The following WDR77 variants were observed in gnomAD, a reference collection of about 807,000 sequenced individuals.
The protein encoded by WDR77 is WD repeat domain 77, also known as methylosome protein WDR77.
A neutral mutation model predicts 44.0 loss-of-function variants in WDR77; 31 were observed. That is an observed-to-expected ratio of 0.70 (90% confidence interval 0.53 to 0.95). The LOEUF is 0.95. Ranked by LOEUF, WDR77 falls within the 40% of genes least tolerant of loss-of-function variation. WDR77 has a pLI of 0.00. For synonymous variants in WDR77, 186 were observed against 165.7 expected (o/e 1.12, Z -0.94); for missense variants, 390 against 423.9 (o/e 0.92, Z 0.70).
intron 3 of WDR77, 32 bp from the exon 4 acceptor site, chr1:111,447,176 T>G: frequency 1.2e-6 from 2 of 1,612,924 alleles, no homozygotes; most frequent in African/African-American, 1.3e-5. Flanking sequence ...ACATTTAATC[T>G]TGACCTACAC....
intron 4 of WDR77, among the ~76,000 whole-genome samples, chr1:111,444,696 T>G (rs1345094904): frequency 6.6e-6 from 1 of 152,214 alleles, no homozygotes; most frequent in African/African-American, 2.4e-5. Context: ...AAAAGGGGCT[T>G]TTCCATAAGA....
rs762896547 is a variant in WDR77, at chr1:111,442,635, G to C, written c.800+18C>G. On this transcript the variant is annotated intron_variant, in intron 8 of 9. Transcript: ENST00000235090. ...TCCCATTTATACCCATCAGGCCCCTGATGACAAAGAACAGTACCTGTGTGG... is the reference window on the plus strand; with the variant it reads ...TCCCATTTATACCCATCAGGCCCCTCATGACAAAGAACAGTACCTGTGTGG... 3.3e-6 allele frequency: 5 copies of C among 1,522,488 alleles called. No individual in the cohort carries two copies. In the South Asian group the frequency reaches 5.2e-5, roughly 16 times the overall value. 94.3% of individuals were successfully genotyped at this position (1,522,488 alleles called of 1,614,324 possible).
At chr1:111,449,011 T>C in intron 1 of WDR77, 44 bp downstream of exon 1, 1 of 1,548,738 alleles carries the variant, frequency 6.5e-7, no homozygotes, top group Non-Finnish European at 8.7e-7. Context: ...AGGGGCGCCC[T>C]GGGCCGGGGT....
rs1229055343 is a variant in WDR77, at chr1:111,443,919, G to A, written c.567C>T (p.Asp189=). The change falls in exon 6 of 10, where the codon GAC becomes GAT. Residue 189 remains aspartate, a splice_region_variant and synonymous_variant. Coordinates refer to ENST00000235090, the MANE Select transcript of WDR77 (RefSeq NM_024102.4). ...GGGTATCCCAGAGTAAAATTCTATTGTCCTAGAGGAAGGTGGAACAGAAAA... is the reference window on the plus strand; with the variant it reads ...GGGTATCCCAGAGTAAAATTCTATTATCCTAGAGGAAGGTGGAACAGAAAA... ...KDSVFLSCSE[D]NRILLWDTRC... The A allele has an allele frequency of 1.2e-6, 2 of 1,614,184 alleles. No individual in the cohort carries two copies. Among genetic ancestry groups the A allele is most frequent in the South Asian group, 1.1e-5 (1 of 91,086 alleles).
intron 4 of WDR77, 72 bp downstream of exon 4, chr1:111,447,023 C>G: frequency 6.5e-7 from 1 of 1,532,310 alleles, no homozygotes; most frequent in Non-Finnish European, 9.0e-7. Flanking sequence ...CTGCTCCTAA[C>G]ATCAAAGCAA....
At position 111,449,226 on chromosome 1, in the gene WDR77, T is replaced by G; in HGVS notation, c.-57A>C. 1 of 1,535,432 alleles carries G rather than the reference T, an allele frequency of 6.5e-7. No individual in the cohort carries two copies. Among genetic ancestry groups the G allele is most frequent in the Non-Finnish European group, 8.7e-7 (1 of 1,146,394 alleles). On this transcript the variant is annotated 5_prime_UTR_variant, in exon 1 of 10. Coordinates refer to ENST00000235090, the MANE Select transcript of WDR77 (RefSeq NM_024102.4). ...ACTGGACGCCGGCCGGAGACTCCGC[T>G]CCGGCAGCAAACCCCACGTGGTGCA... is the stretch of plus-strand genomic sequence containing the variant.
In WDR77 at chr1:111,449,239, C is replaced by G. The variant is rs768627924; in HGVS notation, c.-70G>C. On this transcript the variant is annotated 5_prime_UTR_variant, in exon 1 of 10. Transcript: ENST00000235090. ...CGGAGACTCCGCTCCGGCAGCAAAC[C>G]CCACGTGGTGCACCTCTGAGCCTCC... 9.1e-6 allele frequency: 14 copies of G among 1,536,098 alleles called. No individual in the cohort carries two copies. Among genetic ancestry groups the G allele is most frequent in the South Asian group, 1.2e-5 (1 of 84,100 alleles).
Position 111,443,397 on chromosome 1 carries a change from G to A in WDR77, c.620-3C>T, listed in dbSNP as rs1249588396. On this transcript the variant is annotated splice_region_variant and splice_polypyrimidine_tract_variant and intron_variant, in intron 6 of 9. Coordinates refer to ENST00000235090, the MANE Select transcript of WDR77 (RefSeq NM_024102.4). ...AAGGTAGCCAGGCGCACTGCAGCCT[G>A]CAAAGGAGAGACGAGGGTCTGGACC... 1.3e-6 allele frequency: 2 copies of A among 1,552,100 alleles called. No homozygotes were observed. Among genetic ancestry groups the A allele is most frequent in the Admixed American group, 2.0e-5 (1 of 51,044 alleles).
chr1:111,443,216 G>C (rs1652883646), intron 7 of WDR77, 107 bp downstream of exon 7: 2 of 1,051,856 alleles, frequency 1.9e-6, no homozygotes, highest in Non-Finnish European at 2.7e-6. Context: ...TAGTGTCCAT[G>C]AGGGCTAAGA....
chr1:111,443,502 AC>A, intron 6 of WDR77, 108 bp from the exon 7 acceptor site: 1 of 1,322,862 alleles, frequency 7.6e-7, no homozygotes. Flanking sequence ...GATTTCCCAA[AC>A]CCTGCTAAGG....
chr1:111,441,460 C>A, intron 9 of WDR77, 71 bp from the exon 10 acceptor site: 1 of 1,412,644 alleles, frequency 7.1e-7, no homozygotes. Flanking sequence ...AAAGAGAACC[C>A]AACACATCTG....
intron 7 of WDR77, 100 bp downstream of exon 7, chr1:111,443,223 A>G (rs926681877): frequency 7.5e-6 from 9 of 1,207,626 alleles, no homozygotes; most frequent in Middle Eastern, 3.9e-4. Flanking sequence ...CATGAGGGCT[A>G]AGACTGAGCA....
chr1:111,442,585 A>G, intron 8 of WDR77, 68 bp downstream of exon 8: 1 of 1,136,638 alleles, frequency 8.8e-7, no homozygotes, highest in Non-Finnish European at 1.2e-6. Flanking sequence ...AATGCTTTGA[A>G]AACATACACA....
chr1:111,447,980 C>G (rs1469437998), intron 2 of WDR77, among the ~76,000 whole-genome samples: 2 of 152,178 alleles, frequency 1.3e-5, no homozygotes, highest in Non-Finnish European at 2.9e-5. Flanking sequence ...ATTTGCTGAA[C>G]TAGTTGAATA....
chr1:111,448,870 G>A (rs751232416), intron 1 of WDR77, 66 bp from the exon 2 acceptor site: 1 of 1,548,150 alleles, frequency 6.5e-7, no homozygotes, highest in Non-Finnish European at 8.7e-7. Context: ...AGACCGCACA[G>A]AACAGCGTTC....
chr1:111,441,424 G>C, intron 9 of WDR77, 35 bp from the exon 10 acceptor site: 1 of 1,446,312 alleles, frequency 6.9e-7, no homozygotes, highest in Non-Finnish European at 9.2e-7. Flanking sequence ...GCAGAGTAGA[G>C]ACAAGAAAAG....
chr1:111,447,300 G>A (rs1301262945), intron 3 of WDR77, 135 bp downstream of exon 3: 2 of 1,487,942 alleles, frequency 1.3e-6, no homozygotes, highest in Non-Finnish European at 1.8e-6. Flanking sequence ...AATCCCTAAG[G>A]AAACCTTATA....
At chr1:111,448,839 T>C (rs959086182) in intron 1 of WDR77, 35 bp from the exon 2 acceptor site, 1 of 1,553,260 alleles carries the variant, frequency 6.4e-7, no homozygotes, top group African/African-American at 1.4e-5. Context: ...GCGTGAAGGG[T>C]AGAAGGGTTC....
At position 111,449,245 on chromosome 1, in the gene WDR77, T is replaced by A. The variant is rs1169182235; in HGVS notation, c.-76A>T. The A allele has an allele frequency of 1.3e-6, 2 of 1,536,222 alleles. No homozygotes were observed. Among genetic ancestry groups the A allele is most frequent in the Non-Finnish European group, 1.7e-6 (2 of 1,146,920 alleles). On this transcript the variant is annotated 5_prime_UTR_variant, in exon 1 of 10. Transcript: ENST00000235090. Reference sequence around the variant, plus strand: ...CTCCGCTCCGGCAGCAAACCCCACGTGGTGCACCTCTGAGCCTCCGCCCCT... The same window carrying A: ...CTCCGCTCCGGCAGCAAACCCCACGAGGTGCACCTCTGAGCCTCCGCCCCT...
Sources: gnomAD v4.1 joint callset for allele counts (sites outside exome capture counted in the v4.1 genomes callset) on GRCh38, gnomAD v4.1.1 for gene constraint, MANE v1.5 for transcripts, NCBI Gene and HGNC (gene_info 2026-07-23, HGNC 2026-07-21) for gene names.